The following ARID4A variants were observed in gnomAD, a reference collection of about 807,000 sequenced individuals.
The protein encoded by ARID4A is AT-rich interactive domain-containing protein 4A.
A neutral mutation model predicts 148.6 loss-of-function variants in ARID4A; 39 were observed. That is an observed-to-expected ratio of 0.26 (90% CI 0.20 to 0.34). The LOEUF is 0.34. Among genes scored for constraint, ARID4A ranks in the 10% least tolerant of loss-of-function variants. ARID4A has a pLI of 1.00. For missense variants in ARID4A, 1,265 were observed against 1,449.1 expected (o/e 0.87, Z 2.06); for synonymous variants, 475 against 481.2 (o/e 0.99, Z 0.17).
intron 23 of ARID4A, 67 bp downstream of exon 23, chr14:58,367,096 A>T (rs2035390837): frequency 8.3e-7 from 1 of 1,211,258 alleles, no homozygotes; most frequent in Admixed American, 3.1e-5. Flanking sequence ...AGAAGATTTA[A>T]ATTTGATACT....
chr14:58,309,127 C>T lies in ARID4A; in HGVS notation c.274+3015C>T, dbSNP rs2031825181. ...ATGGTTTATTTCTTGTTTGTTTGTT[C>T]GTTTTAGAGACAGGATCTTGCTCTG... On this transcript the variant is annotated intron_variant, in intron 5 of 23. Transcript: ENST00000355431. Among the ~76,000 whole-genome samples, 3 of 151,920 alleles carry T rather than the reference C, an allele frequency of 2.0e-5. No individual in the cohort carries two copies. The South Asian group carries it at 6.2e-4, about 32-fold the overall frequency.
At chr14:58,369,824 T>C (rs1233419574) in intron 23 of ARID4A, among the ~76,000 whole-genome samples, 1 of 152,074 alleles carries the variant, frequency 6.6e-6, no homozygotes, top group African/African-American at 2.4e-5. Context: ...AAGGTGATGG[T>C]GAATGGAAGC....
intron 11 of ARID4A, among the ~76,000 whole-genome samples, chr14:58,330,533 T>C (rs1184431937): frequency 6.6e-6 from 1 of 152,176 alleles, no homozygotes; most frequent in Non-Finnish European, 1.5e-5. Flanking sequence ...TATCCTACTT[T>C]AAAGGTAAGG....
At chr14:58,332,209 T>C (rs1309749477) in intron 11 of ARID4A, among the ~76,000 whole-genome samples, 1 of 152,094 alleles carries the variant, frequency 6.6e-6, no homozygotes, top group Non-Finnish European at 1.5e-5. Flanking sequence ...TTACCTATTG[T>C]TTGCAGGTAA....
intron 5 of ARID4A, among the ~76,000 whole-genome samples, chr14:58,307,123 A>G (rs906014108): frequency 1.3e-5 from 2 of 152,198 alleles, no homozygotes; most frequent in Non-Finnish European, 2.9e-5. Flanking sequence ...AGTACTTTCA[A>G]ACTGCACAAT....
intron 11 of ARID4A, among the ~76,000 whole-genome samples, chr14:58,334,213 TGTG>T (rs1275789400): frequency 5.9e-5 from 9 of 152,176 alleles, no homozygotes; most frequent in African/African-American, 1.2e-4. Context: ...ATTTTATAGT[TGTG>T]GTCATATGAT....
chr14:58,329,450 C>T, intron 9 of ARID4A, 78 bp from the exon 10 acceptor site: 1 of 926,852 alleles, frequency 1.1e-6, no homozygotes, highest in Admixed American at 2.2e-5. Context: ...TTTTATTTTT[C>T]TATGTGTTAA....
chr14:58,343,565 A>T (rs978808186), intron 11 of ARID4A, among the ~76,000 whole-genome samples: 1 of 152,190 alleles, frequency 6.6e-6, no homozygotes, highest in South Asian at 2.1e-4. Flanking sequence ...GCTGTGGCTT[A>T]TGCCTGTAAT....
In ARID4A at chr14:58,360,883, TTTG is replaced by T. The variant is rs772773771; in HGVS notation, c.1939-8_1939-6del. 1.9e-6 allele frequency: 3 copies of T among 1,612,150 alleles called. No homozygotes were observed. The highest frequency in any genetic ancestry group is 3.4e-5 in the Admixed American group (2 of 59,686). On this transcript the variant is annotated splice_polypyrimidine_tract_variant and intron_variant, in intron 18 of 23. Transcript: ENST00000355431. ...TAAAGCATTGGCCCTTCTCATACAT[TTTG>T]TTGTTGTTGCCCAGAATAAAGAAGA... is the stretch of plus-strand genomic sequence containing the variant.
chr14:58,347,538 A>C (rs1328788150), intron 14 of ARID4A, 109 bp from the exon 15 acceptor site: 3 of 848,344 alleles, frequency 3.5e-6, no homozygotes, highest in Non-Finnish European at 5.2e-6. Context: ...GAGTAACAAA[A>C]ATTTTTTTAA....
intron 2 of ARID4A, among the ~76,000 whole-genome samples, 184 bp downstream of exon 2, chr14:58,300,044 G>A (rs2031008840): frequency 6.6e-6 from 1 of 152,164 alleles, no homozygotes; most frequent in Non-Finnish European, 1.5e-5. Context: ...CGGAGTTTAG[G>A]CCCTCTCTGT....
intron 3 of ARID4A, chr14:58,303,621 A>T: frequency 2.2e-6 from 1 of 453,256 alleles, no homozygotes; most frequent in Middle Eastern, 3.3e-4. Flanking sequence ...GTGGACCCTC[A>T]AAATTTGTTG....
intron 11 of ARID4A, among the ~76,000 whole-genome samples, chr14:58,337,215 T>TA (rs965494932): frequency 7.0e-6 from 1 of 143,134 alleles, no homozygotes; most frequent in African/African-American, 2.6e-5. Context: ...TCTAGAACCT[T>TA]ACAACAAATC....
chr14:58,365,675 T>C, intron 21 of ARID4A, 53 bp downstream of exon 21: 1 of 1,486,410 alleles, frequency 6.7e-7, no homozygotes, highest in Non-Finnish European at 9.3e-7. Flanking sequence ...TTTAGCAGTT[T>C]GTTGGCTTGT....
chr14:58,300,210 C>T (rs757219759), intron 2 of ARID4A, among the ~76,000 whole-genome samples: 4 of 151,946 alleles, frequency 2.6e-5, no homozygotes, highest in Non-Finnish European at 4.4e-5. Context: ...TTTTTCTTCC[C>T]GTGTGCCAAT....
chr14:58,365,894 T>G (rs1006785345), intron 21 of ARID4A, 130 bp from the exon 22 acceptor site: 1 of 853,000 alleles, frequency 1.2e-6, no homozygotes, highest in African/African-American at 1.7e-5. Context: ...GTTTTTATAT[T>G]GTTATAAACT....
intron 8 of ARID4A, among the ~76,000 whole-genome samples, chr14:58,325,867 T>G (rs967887910): frequency 6.6e-6 from 1 of 152,050 alleles, no homozygotes; most frequent in East Asian, 1.9e-4. Flanking sequence ...TTTTTTTTTT[T>G]AATAACAAAT....
intron 15 of ARID4A, among the ~76,000 whole-genome samples, chr14:58,350,025 C>G (rs1384122888): frequency 4.7e-5 from 7 of 150,250 alleles, no homozygotes; most frequent in Non-Finnish European, 1.0e-4. Context: ...TCGCTTGAAC[C>G]TGGGAGGTAG....
intron 19 of ARID4A, among the ~76,000 whole-genome samples, chr14:58,361,920 T>C (rs2035149970): frequency 2.6e-5 from 4 of 152,352 alleles, no homozygotes; most frequent in South Asian, 4.1e-4. Flanking sequence ...TAATCTCATA[T>C]GATTTAAACT....
Sources: gnomAD v4.1 joint callset for allele counts (sites outside exome capture counted in the v4.1 genomes callset) on GRCh38, gnomAD v4.1.1 for gene constraint, MANE v1.5 for transcripts, NCBI Gene and HGNC (gene_info 2026-07-23, HGNC 2026-07-21) for gene names.